Variants in PMM2 observed in about 807,000 individuals in gnomAD.
PMM2 encodes phosphomannomutase 2.
In PMM2, 35 loss-of-function variants were observed where a neutral mutation model predicts 33.2. The ratio of observed to expected loss-of-function variants is 1.06; its 90% CI spans 0.81 to 1.40. The LOEUF (loss-of-function observed/expected upper bound fraction) is 1.40. PMM2 is among the 40% of genes most tolerant of loss of function. The pLI, the probability that PMM2 is intolerant of heterozygous loss-of-function variation, is 0.00. For missense variants in PMM2, 386 were observed against 306.0 expected, an observed-to-expected ratio of 1.26 and a Z score of -1.95; for synonymous variants, 153 against 114.7, an observed-to-expected ratio of 1.33 and a Z score of -2.13.
At chr16:8,822,972 A>T (rs1284487106) in intron 7 of PMM2, among the ~76,000 whole-genome samples, 1 of 152,210 alleles carries the variant, frequency 6.6e-6, no homozygotes, top group Non-Finnish European at 1.5e-5. Context: ...CCAAGAACCA[A>T]TCAGACATGG....
intron 7 of PMM2, among the ~76,000 whole-genome samples, chr16:8,846,211 TGCCTGG>T (rs2060924861): frequency 6.6e-6 from 1 of 152,220 alleles, no homozygotes; most frequent in African/African-American, 2.4e-5. Flanking sequence ...GGAGGCCATC[TGCCTGG>T]GGATAGGTTC....
chr16:8,839,086 G>T (rs1195065299), intron 7 of PMM2, among the ~76,000 whole-genome samples: 2 of 151,956 alleles, frequency 1.3e-5, no homozygotes, highest in African/African-American at 4.8e-5. Context: ...TGCTATTCCA[G>T]TACCGAGAGC....
intron 3 of PMM2, among the ~76,000 whole-genome samples, chr16:8,805,502 G>A (rs2060642409): frequency 6.6e-6 from 1 of 152,058 alleles, no homozygotes; most frequent in Non-Finnish European, 1.5e-5. Context: ...AGGGACTACA[G>A]GCACATGCCA....
chr16:8,828,180 C>T (rs1013045636), intron 7 of PMM2, among the ~76,000 whole-genome samples: 1 of 150,616 alleles, frequency 6.6e-6, no homozygotes, highest in African/African-American at 2.4e-5. Flanking sequence ...GACTTAACTA[C>T]AGAAGTATAA....
rs183182135 is a variant in PMM2 at position 8,815,750 on chromosome 16, A to G, written c.639+2644A>G. Among the ~76,000 whole-genome samples, 11 of 152,334 alleles carry G rather than the reference A, an allele frequency of 7.2e-5. No individual in the cohort carries two copies. The East Asian group carries it at 1.9e-3, about 27-fold the overall frequency. On this transcript the variant is annotated intron_variant, in intron 7 of 7. Coordinates refer to ENST00000268261, the MANE Select transcript of PMM2 (RefSeq NM_000303.3). The stretch of plus-strand genomic sequence containing the variant: ...AGAAAAAAAACATAGGGAAAAAGCA[A>G]TGATATTTTAGATGTGACACCAAAA...
chr16:8,832,923 G>C, intron 7 of PMM2: 1 of 985,190 alleles, frequency 1.0e-6, no homozygotes, highest in Non-Finnish European at 1.2e-6. Context: ...CCCTCCCTTT[G>C]CTCAACAAGG....
chr16:8,826,271 T>G (rs1005593766), intron 7 of PMM2, among the ~76,000 whole-genome samples: 1 of 152,236 alleles, frequency 6.6e-6, no homozygotes, highest in Admixed American at 6.5e-5. Context: ...CTTTAAACTC[T>G]CTAAATTAGA....
chr16:8,847,113 C>A (rs1317983832), intron 7 of PMM2, among the ~76,000 whole-genome samples: 1 of 152,172 alleles, frequency 6.6e-6, no homozygotes, highest in East Asian at 1.9e-4. Flanking sequence ...ATCCACCCTT[C>A]TCAGCCTCCC....
At chr16:8,832,996 G>A in intron 7 of PMM2, 1 of 553,330 alleles carries the variant, frequency 1.8e-6, no homozygotes, top group Non-Finnish European at 2.2e-6. Context: ...GTTTTGGTTT[G>A]CGCCGTATCC....
At chr16:8,798,240 A>G (rs1000578780) in intron 1 of PMM2, among the ~76,000 whole-genome samples, 14 of 152,202 alleles carry the variant, frequency 9.2e-5, no homozygotes, top group Admixed American at 4.6e-4. Context: ...CTCGGGACTG[A>G]TAGACCAGGA....
intron 5 of PMM2, 55 bp downstream of exon 5, chr16:8,811,233 T>C (rs1567160090): frequency 2.6e-6 from 3 of 1,140,574 alleles, no homozygotes; most frequent in Non-Finnish European, 3.9e-6. Flanking sequence ...AAATAAGATA[T>C]GGCCTGGTGT....
At chr16:8,824,336 A>T (rs1056643146) in intron 7 of PMM2, among the ~76,000 whole-genome samples, 1 of 152,194 alleles carries the variant, frequency 6.6e-6, no homozygotes, top group African/African-American at 2.4e-5. Flanking sequence ...CTGCCTTTTG[A>T]AAAGGATAAA....
chr16:8,846,997 G>A (rs2060930059), intron 7 of PMM2, among the ~76,000 whole-genome samples: 1 of 152,088 alleles, frequency 6.6e-6, no homozygotes, highest in African/African-American at 2.4e-5. Flanking sequence ...CCGAGCAGCT[G>A]GGATTTCAGA....
rs1052159609 is a variant in PMM2 at position 8,802,132 on chromosome 16, A to C, written c.178+222A>C. On this transcript the variant is annotated intron_variant, in intron 2 of 7. Transcript: ENST00000268261. ...ACTGGGTACTCAGATGTGTGAGTAG[A>C]TTCACCTAGAAAGGTCAGTGGCTGT... The C allele has an allele frequency of 2.6e-5, 14 of 536,136 alleles. No homozygotes were observed. The African/African-American group carries it at 2.6e-4, about 10-fold the overall frequency. 33.2% of individuals were successfully genotyped at this position (536,136 alleles called of 1,614,324 possible).
rs145009632 is a variant in PMM2 at position 8,828,749 on chromosome 16, C to T, written c.639+15643C>T. Among the ~76,000 whole-genome samples, 605 of 152,330 alleles carry T rather than the reference C, an allele frequency of 4.0e-3. 6 individuals carry two copies. Among genetic ancestry groups the T allele is most frequent in the African/African-American group, 0.013 (561 of 41,580 alleles). ...CGGGCTTAGAGGGGTCCTATGTCCACATCCTATTCTGTGGTCCTGCTCTCC... is the reference window on the plus strand; with the variant it reads ...CGGGCTTAGAGGGGTCCTATGTCCATATCCTATTCTGTGGTCCTGCTCTCC... On this transcript the variant is annotated intron_variant, in intron 7 of 7. Transcript: ENST00000268261.
chr16:8,813,857 CTTTTTTTTTTT>C (rs148507269), intron 7 of PMM2, among the ~76,000 whole-genome samples: 1 of 89,138 alleles, frequency 1.1e-5, no homozygotes, highest in Non-Finnish European at 2.2e-5. Flanking sequence ...TTTTCTTTCT[CTTTTTTTTTTT>C]TTTTTTTTTT....
chr16:8,836,202 C>T (rs983647145), intron 7 of PMM2, among the ~76,000 whole-genome samples: 1 of 151,868 alleles, frequency 6.6e-6, no homozygotes, highest in South Asian at 2.1e-4. Context: ...GATGGACTTA[C>T]CCTCCACTGT....
chr16:8,845,058 A>T (rs1041779147), intron 7 of PMM2, among the ~76,000 whole-genome samples: 1 of 152,246 alleles, frequency 6.6e-6, no homozygotes, highest in African/African-American at 2.4e-5. Context: ...GAGACCACCA[A>T]ACAGGCTTTG....
rs1401250322 is a variant in PMM2, at chr16:8,832,552, G to C, written c.640-15172G>C. On this transcript the variant is annotated intron_variant, in intron 7 of 7. Coordinates refer to ENST00000268261, the MANE Select transcript of PMM2 (RefSeq NM_000303.3). ...AAGGGCAGGCCTAGCAACTGTCAGG[G>C]GACTAGCATAAACCCTTTTTGCTTC... 5 of 985,258 alleles carry C rather than the reference G, an allele frequency of 5.1e-6. No individual in the cohort carries two copies. In the African/African-American group the frequency reaches 8.7e-5, roughly 17 times the overall value. 61.0% of individuals were successfully genotyped at this position (985,258 alleles called of 1,614,324 possible).
Sources: gnomAD v4.1 joint callset for allele counts (sites outside exome capture counted in the v4.1 genomes callset) on GRCh38, gnomAD v4.1.1 for gene constraint, MANE v1.5 for transcripts, NCBI Gene and HGNC (gene_info 2026-07-23, HGNC 2026-07-21) for gene names.